The following NTM variants were observed in gnomAD, a reference collection of about 807,000 sequenced individuals.
The protein encoded by NTM is neurotrimin, also known as IgLON family member 2.
NTM carries 13 observed loss-of-function variants against 42.1 expected under a neutral mutation model. The ratio of observed to expected loss-of-function variants is 0.31; its 90% CI spans 0.20 to 0.49. The LOEUF is 0.49. Among genes scored for constraint, NTM ranks in the 20% least tolerant of loss-of-function variants. NTM has a pLI of 0.99. For missense variants in NTM, 373 were observed against 452.8 expected (o/e 0.82, Z 1.60); for synonymous variants, 187 against 179.2 (o/e 1.04, Z -0.35).
intron 2 of NTM, among the ~76,000 whole-genome samples, chr11:132,136,500 G>A (rs1448685295): frequency 6.6e-6 from 1 of 152,168 alleles, no homozygotes; most frequent in Non-Finnish European, 1.5e-5. Context: ...CTCTTTGGTT[G>A]TGAACCAGAT....
At chr11:132,082,249 A>G (rs914892202) in intron 2 of NTM, among the ~76,000 whole-genome samples, 1 of 152,064 alleles carries the variant, frequency 6.6e-6, no homozygotes, top group Admixed American at 6.6e-5. Context: ...AGGCACACGG[A>G]CACATTGAAA....
intron 1 of NTM, among the ~76,000 whole-genome samples, chr11:131,877,525 G>A (rs1459878557): frequency 6.6e-6 from 1 of 152,074 alleles, no homozygotes; most frequent in Admixed American, 6.5e-5. Context: ...GGGCCCTTTT[G>A]TATCTCCCCC....
rs537085465 is a variant in NTM, at chr11:132,215,855, C to T, written c.526+3708C>T. On this transcript the variant is annotated intron_variant, in intron 4 of 8. Coordinates refer to ENST00000683400, the MANE Select transcript of NTM (RefSeq NM_001352005.2). ...ACCTTGGTCTTTTCAGGAGGAAGAG[C>T]CCCCATCTCACTCCTCTCACTAGCA... Among the ~76,000 whole-genome samples, 3 of 152,308 alleles carry T rather than the reference C, an allele frequency of 2.0e-5. No homozygotes were observed. The South Asian group carries it at 6.2e-4, about 32-fold the overall frequency.
intron 8 of NTM, among the ~76,000 whole-genome samples, chr11:132,333,134 G>C (rs1024181024): frequency 2.0e-5 from 3 of 152,106 alleles, no homozygotes; most frequent in African/African-American, 7.2e-5. Flanking sequence ...TGTGATTCAC[G>C]CATATGAAGC....
intron 4 of NTM, among the ~76,000 whole-genome samples, chr11:132,214,199 C>T (rs1164870419): frequency 6.6e-6 from 1 of 152,176 alleles, no homozygotes; most frequent in Non-Finnish European, 1.5e-5. Flanking sequence ...TGGCCCTGGG[C>T]CCTTCTGAAG....
rs544101156 is a variant in NTM, at chr11:132,166,809, C to A, written c.400+20295C>A. Among the ~76,000 whole-genome samples the A allele has an allele frequency of 5.3e-5, 8 of 152,304 alleles. No homozygotes were observed. In the South Asian group the frequency reaches 1.7e-3, roughly 32 times the overall value. Reference sequence around the variant, plus strand: ...GGAATACACCTGAATGTGGCACTGACCATCATTCCTAGCATTATGGCTACT... The same window carrying A: ...GGAATACACCTGAATGTGGCACTGAACATCATTCCTAGCATTATGGCTACT... On this transcript the variant is annotated intron_variant, in intron 3 of 8. Transcript: ENST00000683400.
At chr11:132,032,455 A>C (rs1403056442) in intron 2 of NTM, among the ~76,000 whole-genome samples, 1 of 152,182 alleles carries the variant, frequency 6.6e-6, no homozygotes, top group East Asian at 1.9e-4. Context: ...AATGTAGTGA[A>C]AGTATTTCCA....
intron 2 of NTM, among the ~76,000 whole-genome samples, chr11:132,024,415 A>G (rs2074865133): frequency 6.6e-6 from 1 of 152,270 alleles, no homozygotes; most frequent in South Asian, 2.1e-4. Context: ...AATTATTTGT[A>G]GAAAATCTAT....
intron 1 of NTM, among the ~76,000 whole-genome samples, chr11:131,554,041 G>A (rs1272681947): frequency 5.9e-5 from 9 of 152,288 alleles, no homozygotes; most frequent in Non-Finnish European, 1.2e-4. Context: ...CAGATCAAAT[G>A]AATCTTCCTC....
chr11:131,677,700 G>A (rs141692946), intron 1 of NTM, among the ~76,000 whole-genome samples: 4 of 152,338 alleles, frequency 2.6e-5, no homozygotes, highest in African/African-American at 9.6e-5. Flanking sequence ...AAGTTCCTAT[G>A]AGCAATATGT....
intron 2 of NTM, among the ~76,000 whole-genome samples, chr11:131,946,534 G>A (rs1213903857): frequency 6.6e-6 from 1 of 152,206 alleles, no homozygotes; most frequent in African/African-American, 2.4e-5. Context: ...CTAAAAGCTA[G>A]AGTTCAGTGT....
At chr11:132,319,466 A>T (rs538022266) in intron 7 of NTM, among the ~76,000 whole-genome samples, 2 of 152,134 alleles carry the variant, frequency 1.3e-5, no homozygotes, top group Admixed American at 6.5e-5. Context: ...ACACCAAGAG[A>T]TTATATCCCA....
At chr11:132,107,339 C>CTTCTTTTTT (rs1640202965) in intron 2 of NTM, among the ~76,000 whole-genome samples, 5 of 88,858 alleles carry the variant, frequency 5.6e-5, no homozygotes, top group African/African-American at 1.0e-4. Context: ...AAGATTTATC[C>CTTCTTTTTT]TTTTTTTTTT....
chr11:132,096,418 G>T (rs2060995644), intron 2 of NTM, among the ~76,000 whole-genome samples: 1 of 152,140 alleles, frequency 6.6e-6, no homozygotes, highest in South Asian at 2.1e-4. Flanking sequence ...GCTGTAATTG[G>T]GTTGAAGGGA....
At chr11:131,610,385 G>A (rs531342875) in intron 1 of NTM, among the ~76,000 whole-genome samples, 5 of 152,162 alleles carry the variant, frequency 3.3e-5, no homozygotes, top group Non-Finnish European at 7.3e-5. Flanking sequence ...TTTGTTCCTG[G>A]GGCTTTTATT....
chr11:131,514,205 C>T (rs569107440), intron 1 of NTM, among the ~76,000 whole-genome samples: 23 of 152,210 alleles, frequency 1.5e-4, no homozygotes, highest in Admixed American at 9.8e-4. Flanking sequence ...TGCAAGTATC[C>T]GCCCTGATAT....
chr11:131,947,158 T>C (rs904974107), intron 2 of NTM, among the ~76,000 whole-genome samples: 1 of 152,198 alleles, frequency 6.6e-6, no homozygotes, highest in African/African-American at 2.4e-5. Flanking sequence ...TATTTAATTA[T>C]GAAGTTTAGC....
chr11:131,533,962 TC>T (rs2051716319), intron 1 of NTM: 1 of 152,268 alleles, frequency 6.6e-6, no homozygotes, highest in Admixed American at 6.5e-5. Context: ...CGTGTATTTC[TC>T]CGTTCACCTC....
intron 1 of NTM, among the ~76,000 whole-genome samples, chr11:131,849,493 C>T (rs1454470063): frequency 1.3e-5 from 2 of 151,980 alleles, no homozygotes; most frequent in Admixed American, 1.3e-4. Flanking sequence ...AGGACCAGGT[C>T]TTTGAAAAAC....
Sources: allele counts gnomAD v4.1 joint callset (sites outside exome capture counted in the v4.1 genomes callset), GRCh38; gene constraint gnomAD v4.1.1; transcripts MANE v1.5; gene names NCBI Gene and HGNC (gene_info 2026-07-23, HGNC 2026-07-21).